SSBP2: variants seen among roughly 807,000 people sequenced by gnomAD.
SSBP2 encodes single stranded DNA binding protein 2, also known as single-stranded DNA-binding protein 2.
In SSBP2, 17 loss-of-function variants were observed where a neutral mutation model predicts 61.8. The observed-to-expected ratio is 0.28, with a 90% confidence interval of 0.19 to 0.41. SSBP2 has a LOEUF of 0.41. Among genes scored for constraint, SSBP2 ranks in the 10% least tolerant of loss-of-function variants. The pLI is 1.00. For synonymous variants in SSBP2, 139 were observed against 141.3 expected, an observed-to-expected ratio of 0.98 and a Z score of 0.12; for missense variants, 310 against 458.7, an observed-to-expected ratio of 0.68 and a Z score of 2.96.
At position 81,500,275 on chromosome 5, in the gene SSBP2, G is replaced by A. The variant is rs572455780; in HGVS notation, c.373-10966C>T. On this transcript the variant is annotated intron_variant, in intron 5 of 16. Transcript: ENST00000320672. ...GTTGCCCAGGCTGGAGTACAGTGGC[G>A]CTATCTCGCCTCACTACAACCTCCG... Among the ~76,000 whole-genome samples, 9 of 151,126 alleles carry A rather than the reference G, an allele frequency of 6.0e-5. No individual in the cohort carries two copies. In the South Asian group the frequency reaches 1.7e-3, roughly 28 times the overall value.
At chr5:81,743,534 G>A (rs140974176) in intron 1 of SSBP2, among the ~76,000 whole-genome samples, 90 of 152,224 alleles carry the variant, frequency 5.9e-4, no homozygotes, top group African/African-American at 2.0e-3. Context: ...TCTCATGAAA[G>A]CAGGGACTCA....
intron 4 of SSBP2, 25 bp downstream of exon 4, chr5:81,615,448 T>G (rs1304515782): frequency 6.4e-7 from 1 of 1,567,564 alleles, no homozygotes; most frequent in South Asian, 1.1e-5. Context: ...ACAGTGTAAC[T>G]TTGTAAAATT....
intron 4 of SSBP2, among the ~76,000 whole-genome samples, chr5:81,578,113 T>C (rs1450296299): frequency 6.6e-6 from 1 of 151,870 alleles, no homozygotes; most frequent in African/African-American, 2.4e-5. Context: ...TCACAAACTT[T>C]AAAAAAAATC....
upstream of SSBP2, chr5:81,751,250 A>G (rs541254047): frequency 3.4e-6 from 2 of 591,544 alleles, no homozygotes; most frequent in East Asian, 2.9e-5. Context: ...GTGGCGGCTA[A>G]GCCTCAGCGG....
At chr5:81,468,750 C>G (rs1765056452) in intron 8 of SSBP2, among the ~76,000 whole-genome samples, 3 of 151,902 alleles carry the variant, frequency 2.0e-5, no homozygotes, top group Non-Finnish European at 2.9e-5. Flanking sequence ...AATGACATTA[C>G]CTAGTTACAT....
At chr5:81,424,244 T>TGAAACCCC (rs1450976574) in intron 16 of SSBP2, among the ~76,000 whole-genome samples, 3 of 151,938 alleles carry the variant, frequency 2.0e-5, no homozygotes, top group African/African-American at 7.3e-5. Flanking sequence ...ACCAACATGG[T>TGAAACCCC]GAAACCCCGT....
chr5:81,710,622 C>T, intron 1 of SSBP2: 1 of 446,824 alleles, frequency 2.2e-6, no homozygotes, highest in Non-Finnish European at 4.5e-6. Flanking sequence ...AACTGACAAG[C>T]ACAAACCTAC....
intron 1 of SSBP2, among the ~76,000 whole-genome samples, chr5:81,728,158 A>AG (rs1277296483): frequency 5.3e-5 from 8 of 152,200 alleles, no homozygotes; most frequent in Non-Finnish European, 8.8e-5. Context: ...TTTATTCTAA[A>AG]GGTAATGGGG....
chr5:81,567,868 A>G (rs1773551772), intron 4 of SSBP2, among the ~76,000 whole-genome samples: 1 of 152,192 alleles, frequency 6.6e-6, no homozygotes, highest in African/African-American at 2.4e-5. Context: ...TGGAGCCTGT[A>G]GCCCCTTTGT....
chr5:81,421,539 A>G (rs997411157), intron 16 of SSBP2, among the ~76,000 whole-genome samples: 7 of 152,188 alleles, frequency 4.6e-5, no homozygotes, highest in Admixed American at 4.6e-4. Context: ...GAGTAGGAAC[A>G]TCATTGTTAC....
chr5:81,464,775 TA>T (rs1764779693), intron 9 of SSBP2, among the ~76,000 whole-genome samples: 1 of 152,136 alleles, frequency 6.6e-6, no homozygotes, highest in South Asian at 2.1e-4. Context: ...AACACCTTTC[TA>T]ATGCCTTTTT....
intron 6 of SSBP2, among the ~76,000 whole-genome samples, chr5:81,487,868 G>C (rs1766497489): frequency 6.6e-6 from 1 of 150,626 alleles, no homozygotes; most frequent in African/African-American, 2.4e-5. Flanking sequence ...GCTTCTATGA[G>C]TTTGACCTTT....
intron 4 of SSBP2, among the ~76,000 whole-genome samples, chr5:81,532,318 T>C (rs1770480392): frequency 6.6e-6 from 1 of 152,072 alleles, no homozygotes; most frequent in South Asian, 2.1e-4. Flanking sequence ...CAAAATTCAG[T>C]GACTGATTAA....
intron 8 of SSBP2, among the ~76,000 whole-genome samples, chr5:81,467,557 T>C (rs1388896382): frequency 6.6e-6 from 1 of 151,904 alleles, no homozygotes; most frequent in African/African-American, 2.4e-5. Flanking sequence ...ACACAAAAAG[T>C]ATAAAAACTA....
intron 1 of SSBP2, among the ~76,000 whole-genome samples, chr5:81,705,536 A>C (rs1157450801): frequency 6.6e-6 from 1 of 152,216 alleles, no homozygotes; most frequent in East Asian, 1.9e-4. Flanking sequence ...TTTAGGATAA[A>C]GAGCCATAAA....
At chr5:81,687,566 A>G (rs1257301279) in intron 1 of SSBP2, among the ~76,000 whole-genome samples, 1 of 152,194 alleles carries the variant, frequency 6.6e-6, no homozygotes, top group Non-Finnish European at 1.5e-5. Flanking sequence ...CCCAGGCAGC[A>G]CAGCTTAAAG....
chr5:81,751,639 C>T (rs1349098149), upstream of SSBP2: 1 of 156,926 alleles, frequency 6.4e-6, no homozygotes, highest in Non-Finnish European at 1.4e-5. Context: ...CCGCTCCTCT[C>T]CTATGCGTGA....
chr5:81,428,716 T>C, intron 15 of SSBP2, 33 bp from the exon 16 acceptor site: 1 of 1,551,162 alleles, frequency 6.4e-7, no homozygotes, highest in Non-Finnish European at 8.9e-7. Context: ...AAGGCATTGT[T>C]GAAAATTTTA....
intron 4 of SSBP2, among the ~76,000 whole-genome samples, chr5:81,569,857 C>T (rs1773706174): frequency 6.6e-6 from 1 of 152,112 alleles, no homozygotes; most frequent in African/African-American, 2.4e-5. Flanking sequence ...CAAAGCGACA[C>T]TAAATTAAAG....
Sources: gnomAD v4.1 joint callset for allele counts (sites outside exome capture counted in the v4.1 genomes callset) on GRCh38, gnomAD v4.1.1 for gene constraint, MANE v1.5 for transcripts, NCBI Gene and HGNC (gene_info 2026-07-23, HGNC 2026-07-21) for gene names.